Variants in PBX1 observed in about 807,000 individuals in gnomAD.
The protein encoded by PBX1 is PBX homeobox 1.
PBX1 carries 6 observed loss-of-function variants against 53.4 expected under a neutral mutation model. That is an observed-to-expected ratio of 0.11 (90% CI 0.06 to 0.22). PBX1 has a LOEUF of 0.22. Among genes scored for constraint, PBX1 ranks in the 10% least tolerant of loss-of-function variants. The pLI is 1.00. For synonymous variants in PBX1, 204 were observed against 212.3 expected, an observed-to-expected ratio of 0.96 and a Z score of 0.34; for missense variants, 251 against 551.4, an observed-to-expected ratio of 0.46 and a Z score of 5.46.
At chr1:164,782,318 C>T (rs1021136398) in intron 2 of PBX1, among the ~76,000 whole-genome samples, 1 of 152,172 alleles carries the variant, frequency 6.6e-6, no homozygotes, top group Non-Finnish European at 1.5e-5. Flanking sequence ...ACATCATTTC[C>T]TCTGTCTGTC....
intron 2 of PBX1, among the ~76,000 whole-genome samples, chr1:164,677,238 G>A (rs1661485586): frequency 2.0e-5 from 3 of 151,472 alleles, no homozygotes; most frequent in African/African-American, 4.9e-5. Context: ...GACTACAGGC[G>A]CCCGCCACCG....
chr1:164,792,576 C>T lies in PBX1; in HGVS notation c.348C>T (p.Gly116=), dbSNP rs200580172. The T allele has an allele frequency of 7.4e-6, 12 of 1,614,056 alleles. No homozygotes were observed. In the African/African-American group the frequency reaches 1.3e-4, roughly 18 times the overall value. Residue 116 remains glycine, a synonymous_variant, in exon 3 of 9, where the codon GGC becomes GGT. Coordinates refer to ENST00000420696, the MANE Select transcript of PBX1 (RefSeq NM_002585.4). ...TGGACAACATGCTGTTAGCGGAAGG[C>T]GTGGCGGGGCCTGAGAAGGGCGGAG... The part of the protein sequence containing the change: ...MRLDNMLLAE[G]VAGPEKGGGS...
intron 2 of PBX1, among the ~76,000 whole-genome samples, chr1:164,585,349 C>T (rs1654886558): frequency 6.6e-6 from 1 of 152,224 alleles, no homozygotes; most frequent in African/African-American, 2.4e-5. Context: ...TTCCCCCAAT[C>T]CCAGGGCAGT....
chr1:164,578,350 A>G (rs540528258), intron 2 of PBX1, among the ~76,000 whole-genome samples: 14 of 152,346 alleles, frequency 9.2e-5, no homozygotes, highest in African/African-American at 3.1e-4. Context: ...CAGGTTGTAT[A>G]GTGAAAAAGT....
chr1:164,576,134 A>C (rs1446872966), intron 2 of PBX1, among the ~76,000 whole-genome samples: 1 of 152,240 alleles, frequency 6.6e-6, no homozygotes. Flanking sequence ...TTTTGGAACC[A>C]AGAAACAGTG....
At chr1:164,591,970 C>G (rs1247833240) in intron 2 of PBX1, among the ~76,000 whole-genome samples, 1 of 152,184 alleles carries the variant, frequency 6.6e-6, no homozygotes, top group Non-Finnish European at 1.5e-5. Flanking sequence ...TTCCACCTCC[C>G]CTGTGGCACT....
intron 2 of PBX1, among the ~76,000 whole-genome samples, chr1:164,687,996 A>C (rs1323276457): frequency 6.6e-6 from 1 of 152,142 alleles, no homozygotes; most frequent in East Asian, 1.9e-4. Context: ...CCAAGATACC[A>C]CACATGCCCT....
chr1:164,664,455 G>A (rs923130679), intron 2 of PBX1, among the ~76,000 whole-genome samples: 1 of 152,104 alleles, frequency 6.6e-6, no homozygotes. Flanking sequence ...AGCCAACTCT[G>A]GATTCCCACA....
rs774067714 is a variant in PBX1 at position 164,849,354 on chromosome 1, C to G, written c.*2678C>G. 1 of 1,535,654 alleles carries G rather than the reference C, an allele frequency of 6.5e-7. No homozygotes were observed. Among genetic ancestry groups the G allele is most frequent in the South Asian group, 1.2e-5 (1 of 84,056 alleles). On this transcript the variant is annotated 3_prime_UTR_variant, in exon 9 of 9. Transcript: ENST00000420696. ...TCTATACCCAGCACCTCCCCCGGCA[C>G]CCCCGGCAAGCCCACTATCACTTCC...
intron 2 of PBX1, among the ~76,000 whole-genome samples, chr1:164,757,626 A>G (rs958276468): frequency 3.9e-5 from 6 of 152,192 alleles, no homozygotes; most frequent in African/African-American, 1.4e-4. Context: ...AGTGTTTTCC[A>G]TCTGCAGTCA....
intron 2 of PBX1, among the ~76,000 whole-genome samples, chr1:164,737,559 G>A (rs1665364144): frequency 2.0e-5 from 3 of 151,222 alleles, no homozygotes; most frequent in Admixed American, 2.0e-4. Flanking sequence ...GCTCACTGCA[G>A]CCTCTGCCTT....
intron 2 of PBX1, among the ~76,000 whole-genome samples, chr1:164,679,927 G>GT (rs11377691): frequency 0.99 from 149,211 of 150,510 alleles, 73,962 homozygotes; most frequent in East Asian, 1. Context: ...ACTCCTGCTG[G>GT]TTTTTTTTTA....
intron 2 of PBX1, among the ~76,000 whole-genome samples, chr1:164,655,100 G>GTTTTTTTTTTTTTTTTTTT (rs35954587): frequency 2.2e-5 from 3 of 138,820 alleles, no homozygotes; most frequent in Non-Finnish European, 4.6e-5. Flanking sequence ...TCTGATGTGT[G>GTTTTTTTTTTTTTTTTTTT]TTTTTTTTTT....
intron 2 of PBX1, among the ~76,000 whole-genome samples, chr1:164,884,742 A>C (rs1672738616): frequency 6.6e-6 from 1 of 152,204 alleles, no homozygotes; most frequent in Non-Finnish European, 1.5e-5. Flanking sequence ...GAGTTGGCAG[A>C]TGTTGCAACT....
intron 2 of PBX1, among the ~76,000 whole-genome samples, chr1:164,579,938 C>A (rs900299334): frequency 2.0e-5 from 3 of 152,130 alleles, no homozygotes; most frequent in African/African-American, 7.2e-5. Context: ...GTGAATCTTC[C>A]TAAAGTCACA....
intron 2 of PBX1, among the ~76,000 whole-genome samples, chr1:164,617,494 T>C (rs956165496): frequency 2.6e-5 from 4 of 152,204 alleles, no homozygotes; most frequent in African/African-American, 9.7e-5. Context: ...GGTTATTTGT[T>C]TTAGTGTTTG....
intron 2 of PBX1, among the ~76,000 whole-genome samples, chr1:164,625,168 C>T (rs906197548): frequency 6.6e-6 from 1 of 151,916 alleles, no homozygotes; most frequent in Non-Finnish European, 1.5e-5. Context: ...ATTAAAATGC[C>T]AAAAAGAGGG....
chr1:164,685,529 C>T (rs1043550469), intron 2 of PBX1, among the ~76,000 whole-genome samples: 20 of 152,286 alleles, frequency 1.3e-4, no homozygotes, highest in African/African-American at 4.3e-4. Flanking sequence ...CCCTTCCCAC[C>T]TCTTACAGCC....
intron 2 of PBX1, among the ~76,000 whole-genome samples, chr1:164,678,937 A>T (rs961829511): frequency 1.3e-5 from 2 of 152,148 alleles, no homozygotes; most frequent in African/African-American, 2.4e-5. Context: ...ATTTAGATTT[A>T]TCTGAGACTC....
Sources: allele counts gnomAD v4.1 joint callset (sites outside exome capture counted in the v4.1 genomes callset), GRCh38; gene constraint gnomAD v4.1.1; transcripts MANE v1.5; gene names NCBI Gene and HGNC (gene_info 2026-07-23, HGNC 2026-07-21).